The following LIMS2 variants were observed in gnomAD, a reference collection of about 807,000 sequenced individuals.
LIMS2 encodes the protein LIM and senescent cell antigen-like-containing domain protein 2.
A neutral mutation model predicts 45.3 loss-of-function variants in LIMS2; 30 were observed. The ratio of observed to expected loss-of-function variants is 0.66; its 90% CI spans 0.50 to 0.90. LIMS2 has a LOEUF of 0.90. LIMS2 is among the 40% of genes least tolerant of loss of function. The probability of loss-of-function intolerance (pLI) is 0.00; values close to 1 mark genes in which losing one functional copy is unlikely to be tolerated. For synonymous variants in LIMS2, 173 were observed against 188.0 expected, an observed-to-expected ratio of 0.92 and a Z score of 0.65; for missense variants, 485 against 468.7, an observed-to-expected ratio of 1.03 and a Z score of -0.32.
chr2:127,678,849 A>G (rs1259067540), upstream of LIMS2, among the ~76,000 whole-genome samples: 1 of 152,110 alleles, frequency 6.6e-6, no homozygotes, highest in African/African-American at 2.4e-5. The surrounding 1 kb of genome is among the most constrained non-coding windows in gnomAD (Gnocchi z 5.3). Flanking sequence ...TGGGCGGGGC[A>G]CTGTGAACCT....
At chr2:127,655,944 C>CCTG (rs1278966691) in intron 2 of LIMS2, 1 of 152,226 alleles carries the variant, frequency 6.6e-6, no homozygotes, top group Non-Finnish European at 1.5e-5. Context: ...AGAGGCAGGC[C>CCTG]CTGCTGTGGG....
chr2:127,646,998 G>A (rs199528666), intron 4 of LIMS2, among the ~76,000 whole-genome samples: 70 of 152,296 alleles, frequency 4.6e-4, no homozygotes, highest in African/African-American at 1.4e-3. Flanking sequence ...CAGAGAGAGC[G>A]AGGGGCACGC....
intron 4 of LIMS2, among the ~76,000 whole-genome samples, chr2:127,644,629 A>T (rs1023227581): frequency 6.6e-6 from 1 of 152,124 alleles, no homozygotes. Flanking sequence ...ACAACACTCA[A>T]CCCACGAGGA....
In LIMS2 at chr2:127,642,251, C is replaced by T. The variant is rs1341140805; in HGVS notation, c.510-52G>A. The T allele has an allele frequency of 3.5e-6, 5 of 1,442,216 alleles. No individual in the cohort carries two copies. The East Asian group carries it at 1.3e-4, about 37-fold the overall frequency. 89.3% of individuals were successfully genotyped at this position (1,442,216 alleles called of 1,614,324 possible). A position where few individuals can be genotyped will look rare whatever the true frequency, so the allele number is the denominator to read the frequency against. ...TGCCACCCCTGCCCTTCTGCAGGGTCATGCCAGCAGCGCCTCCACCCCAGG... is the reference window on the plus strand; with the variant it reads ...TGCCACCCCTGCCCTTCTGCAGGGTTATGCCAGCAGCGCCTCCACCCCAGG... On this transcript the variant is annotated intron_variant, in intron 5 of 9. Coordinates refer to ENST00000355119, the MANE Select transcript of LIMS2 (RefSeq NM_001161403.3). This position sits in a 1 kb window ranked among gnomAD's most constrained non-coding sequence, Gnocchi z 5.3.
upstream of LIMS2, among the ~76,000 whole-genome samples, chr2:127,679,637 G>A (rs1685573574): frequency 6.6e-6 from 1 of 152,106 alleles, no homozygotes; most frequent in Admixed American, 6.5e-5. This position sits in a 1 kb window ranked among gnomAD's most constrained non-coding sequence, Gnocchi z 5.3. Context: ...CCTACTCCAG[G>A]GGACAGCTAC....
At chr2:127,661,557 C>T (rs952788200) in intron 1 of LIMS2, among the ~76,000 whole-genome samples, 1 of 152,142 alleles carries the variant, frequency 6.6e-6, no homozygotes, top group African/African-American at 2.4e-5. Flanking sequence ...TCCAGTTATC[C>T]CCCAGGAGAC....
Position 127,642,892 on chromosome 2 carries a change from C to A in LIMS2, c.509+31G>T. ...CTGGGCCAGCCCTGGCTCCCCGCCC[C>A]CACAACTGCAGGGCCGGGCTGCGCA... On this transcript the variant is annotated intron_variant, in intron 5 of 9. Transcript: ENST00000355119. This position sits in a 1 kb window ranked among gnomAD's most constrained non-coding sequence, Gnocchi z 5.3. 3 of 1,548,052 alleles carry A rather than the reference C, an allele frequency of 1.9e-6. No homozygotes were observed. Among genetic ancestry groups the A allele is most frequent in the Non-Finnish European group, 2.6e-6 (3 of 1,144,416 alleles).
At chr2:127,660,313 C>G (rs1448154199) in intron 1 of LIMS2, among the ~76,000 whole-genome samples, 2 of 152,186 alleles carry the variant, frequency 1.3e-5, no homozygotes, top group East Asian at 3.9e-4. Flanking sequence ...ACAGCAGCAA[C>G]CAGTTGGGGT....
At chr2:127,654,320 G>T in intron 4 of LIMS2, 104 bp downstream of exon 4, 1 of 1,501,720 alleles carries the variant, frequency 6.7e-7, no homozygotes, top group Non-Finnish European at 9.2e-7. Context: ...GCAGCACCGG[G>T]ACCCTTCTGC....
chr2:127,641,828 G>A, intron 6 of LIMS2: 1 of 514,106 alleles, frequency 1.9e-6, no homozygotes, highest in African/African-American at 2.0e-5. Context: ...GGTGGGCACA[G>A]CTACCCAACC....
chr2:127,642,700 G>GCC lies in LIMS2; in HGVS notation c.509+221_509+222dup, dbSNP rs949780512. The GCC allele has an allele frequency of 1.8e-5, 10 of 560,698 alleles. No individual in the cohort carries two copies. The highest frequency in any genetic ancestry group is 3.1e-5 in the Non-Finnish European group (10 of 317,808). The allele number at this position is 560,698 out of a possible 1,614,324, so 34.7% of individuals were successfully genotyped here. A position where few individuals can be genotyped will look rare whatever the true frequency, so the allele number is the denominator to read the frequency against. ...CCCACCCGCCTCCTGAGTCTCAAGTGCCCCCCAAACAGAGCCCTGGAGAGA... is the reference window on the plus strand; with the variant it reads ...CCCACCCGCCTCCTGAGTCTCAAGTGCCCCCCCCAAACAGAGCCCTGGAGAGA... On this transcript the variant is annotated intron_variant, in intron 5 of 9. Transcript: ENST00000355119. This position sits in a 1 kb window ranked among gnomAD's most constrained non-coding sequence, Gnocchi z 5.3.
intron 4 of LIMS2, among the ~76,000 whole-genome samples, chr2:127,652,992 C>T (rs1683955782): frequency 6.6e-6 from 1 of 152,198 alleles, no homozygotes; most frequent in Non-Finnish European, 1.5e-5. Flanking sequence ...ATTGGGCTCG[C>T]TCCACACACC....
intron 4 of LIMS2, chr2:127,643,670 C>T (rs1359817697): frequency 2.9e-5 from 13 of 448,698 alleles, no homozygotes; most frequent in Middle Eastern, 4.1e-4. Flanking sequence ...CTGTGTTGGA[C>T]GACAGCTGTG....
intron 1 of LIMS2, among the ~76,000 whole-genome samples, chr2:127,663,950 GT>G (rs1051824395): frequency 6.6e-6 from 1 of 152,170 alleles, no homozygotes; most frequent in African/African-American, 2.4e-5. Flanking sequence ...GCATAGCCAT[GT>G]TTGGGGTGGG....
chr2:127,675,130 G>A lies in LIMS2; in HGVS notation c.-106C>T, dbSNP rs12987198. Reference sequence around the variant, plus strand: ...GCCCGCCAGCCCGGGCCGCGGAGCAGGGAGACGCCCAAAAAAGGCCAAGAG... The same window carrying A: ...GCCCGCCAGCCCGGGCCGCGGAGCAAGGAGACGCCCAAAAAAGGCCAAGAG... On this transcript the variant is annotated 5_prime_UTR_variant, in exon 1 of 10. Coordinates refer to ENST00000355119, the MANE Select transcript of LIMS2 (RefSeq NM_001161403.3). The A allele has an allele frequency of 8.9e-7, 1 of 1,127,106 alleles. No individual in the cohort carries two copies. Among genetic ancestry groups the A allele is most frequent in the South Asian group, 4.5e-5 (1 of 22,426 alleles). 69.8% of individuals were successfully genotyped at this position (1,127,106 alleles called of 1,614,324 possible).
chr2:127,673,849 G>T, intron 1 of LIMS2: 1 of 905,850 alleles, frequency 1.1e-6, no homozygotes, highest in Non-Finnish European at 1.8e-6. Context: ...CAGCCAGTGG[G>T]CCTGCAGATG....
Position 127,664,496 on chromosome 2 carries a change from G to A in LIMS2, c.12-6934C>T. 8.6e-7 allele frequency: 1 copy of A among 1,162,272 alleles called. No homozygotes were observed. The highest frequency in any genetic ancestry group is 1.1e-6 in the Non-Finnish European group (1 of 943,584). 72.0% of individuals were successfully genotyped at this position (1,162,272 alleles called of 1,614,324 possible). A position where few individuals can be genotyped will look rare whatever the true frequency, so the allele number is the denominator to read the frequency against. On this transcript the variant is annotated intron_variant, in intron 1 of 9. Coordinates refer to ENST00000355119, the MANE Select transcript of LIMS2 (RefSeq NM_001161403.3). This position sits in a 1 kb window ranked among gnomAD's most constrained non-coding sequence, Gnocchi z 5.5. ...CCGCCTGGGGCCAGACACCAAGACGGGACGGGCGTGTGGGCGCCTCCCCCG... is the reference window on the plus strand; with the variant it reads ...CCGCCTGGGGCCAGACACCAAGACGAGACGGGCGTGTGGGCGCCTCCCCCG...
intron 4 of LIMS2, among the ~76,000 whole-genome samples, chr2:127,644,366 C>T (rs146209003): frequency 1.0e-3 from 154 of 152,340 alleles, no homozygotes; most frequent in Non-Finnish European, 1.6e-3. Context: ...GGCTCTTACA[C>T]CCCAGCGACG....
At chr2:127,640,740 C>A in intron 7 of LIMS2, 156 bp downstream of exon 7, 1 of 666,502 alleles carries the variant, frequency 1.5e-6, no homozygotes, top group South Asian at 1.8e-5. Flanking sequence ...GCCCAGGTCT[C>A]GAGACCCCAG....
Sources: allele counts gnomAD v4.1 joint callset (sites outside exome capture counted in the v4.1 genomes callset), GRCh38; gene constraint gnomAD v4.1.1; non-coding constraint Gnocchi (gnomAD v3.1); transcripts MANE v1.5; gene names NCBI Gene and HGNC (gene_info 2026-07-23, HGNC 2026-07-21).